The following SYCP1 variants were observed in gnomAD, a reference collection of about 807,000 sequenced individuals.
The protein encoded by SYCP1 is cancer/testis antigen 8.
Under a neutral mutation model 153.1 loss-of-function variants are expected in SYCP1, and 64 were observed. The ratio of observed to expected loss-of-function variants is 0.42; its 90% CI spans 0.34 to 0.51. The LOEUF (loss-of-function observed/expected upper bound fraction) is 0.51. SYCP1 is among the 20% of genes least tolerant of loss of function. The probability of loss-of-function intolerance (pLI) is 0.06; values close to 1 mark genes in which losing one functional copy is unlikely to be tolerated. For synonymous variants in SYCP1, 384 were observed against 341.8 expected (o/e 1.12, Z -1.36); for missense variants, 997 against 1,049.0 (o/e 0.95, Z 0.68).
intron 30 of SYCP1, among the ~76,000 whole-genome samples, chr1:114,987,380 A>G (rs1017704079): frequency 6.6e-6 from 1 of 152,032 alleles, no homozygotes; most frequent in African/African-American, 2.4e-5. Context: ...GTTTTCAACA[A>G]CAAGGGCCAG....
At chr1:114,948,410 C>G (rs1670886101) in intron 27 of SYCP1, among the ~76,000 whole-genome samples, 1 of 152,154 alleles carries the variant, frequency 6.6e-6, no homozygotes. Flanking sequence ...AAACCTAGGT[C>G]TATTTTTGCA....
chr1:114,904,337 C>T (rs946508824), intron 16 of SYCP1, among the ~76,000 whole-genome samples: 7 of 151,984 alleles, frequency 4.6e-5, no homozygotes, highest in East Asian at 1.9e-4. Flanking sequence ...AGGATGGTCT[C>T]GATCTCCTGA....
chr1:114,869,343 G>A (rs1664965270), intron 8 of SYCP1, among the ~76,000 whole-genome samples: 1 of 152,086 alleles, frequency 6.6e-6, no homozygotes, highest in East Asian at 1.9e-4. Flanking sequence ...TGATTTTCCA[G>A]GTATCTTTCT....
chr1:114,858,848 GT>G, intron 6 of SYCP1, 137 bp downstream of exon 6: 1 of 764,608 alleles, frequency 1.3e-6, no homozygotes, highest in Non-Finnish European at 2.1e-6. Context: ...CTTTTTAAAA[GT>G]TACATCAATA....
intron 23 of SYCP1, among the ~76,000 whole-genome samples, chr1:114,934,247 C>A (rs1380816587): frequency 6.6e-6 from 1 of 152,082 alleles, no homozygotes; most frequent in Non-Finnish European, 1.5e-5. Flanking sequence ...AGAGTGGGGG[C>A]CAATATTCAA....
intron 15 of SYCP1, among the ~76,000 whole-genome samples, chr1:114,894,733 T>A (rs1302061148): frequency 3.3e-5 from 5 of 152,118 alleles, no homozygotes; most frequent in African/African-American, 1.2e-4. Flanking sequence ...ACCTCCACAA[T>A]GATGAAGACT....
chr1:114,953,953 C>A (rs533271924), intron 27 of SYCP1, among the ~76,000 whole-genome samples: 3 of 152,126 alleles, frequency 2.0e-5, no homozygotes, highest in East Asian at 1.9e-4. Flanking sequence ...TATTTGATTT[C>A]TTTCATAAGA....
intron 20 of SYCP1, among the ~76,000 whole-genome samples, chr1:114,917,853 T>G (rs561018278): frequency 6.6e-6 from 1 of 152,040 alleles, no homozygotes; most frequent in East Asian, 1.9e-4. Flanking sequence ...TCCCATAGAG[T>G]TTTTTGAGCC....
chr1:114,954,364 A>G (rs1334593142), intron 27 of SYCP1, among the ~76,000 whole-genome samples: 1 of 151,892 alleles, frequency 6.6e-6, no homozygotes, highest in Non-Finnish European at 1.5e-5. Context: ...TTTTGTGTTT[A>G]TTTTGTATCC....
chr1:114,952,520 G>A (rs2101851129), intron 27 of SYCP1, among the ~76,000 whole-genome samples: 1 of 152,218 alleles, frequency 6.6e-6, no homozygotes, highest in East Asian at 1.9e-4. Context: ...GAGGCCTCAG[G>A]AAACTTACAA....
chr1:114,873,017 AT>A (rs1192726242), intron 8 of SYCP1, among the ~76,000 whole-genome samples: 3 of 151,896 alleles, frequency 2.0e-5, no homozygotes, highest in African/African-American at 7.3e-5. Context: ...CATTCTTAGA[AT>A]TTTCACCTAT....
At chr1:114,956,949 G>A (rs761064351) in intron 27 of SYCP1, among the ~76,000 whole-genome samples, 45 of 150,484 alleles carry the variant, frequency 3.0e-4, no homozygotes, top group Non-Finnish European at 4.7e-4. Flanking sequence ...GAACATTAAG[G>A]GAAATATAAC....
intron 21 of SYCP1, 160 bp downstream of exon 21, chr1:114,923,690 A>G (rs1669059502): frequency 1.6e-6 from 1 of 632,384 alleles, no homozygotes; most frequent in East Asian, 4.2e-5. Context: ...GAAAGGTTGG[A>G]TTATTTTACT....
At chr1:114,856,511 A>G (rs1226317448) in intron 2 of SYCP1, 62 bp from the exon 3 acceptor site, 12 of 1,133,108 alleles carry the variant, frequency 1.1e-5, no homozygotes, top group Non-Finnish European at 1.5e-5. Flanking sequence ...TGTATATATT[A>G]CACTATTAGT....
intron 24 of SYCP1, 123 bp from the exon 25 acceptor site, chr1:114,944,749 T>A: frequency 1.3e-6 from 1 of 759,856 alleles, no homozygotes; most frequent in Non-Finnish European, 2.1e-6. Context: ...CATTTTCTAC[T>A]TGTTTTTCCA....
At chr1:114,882,851 T>C (rs751563843) in intron 12 of SYCP1, among the ~76,000 whole-genome samples, 6 of 152,216 alleles carry the variant, frequency 3.9e-5, no homozygotes. Flanking sequence ...GAACCTGGGC[T>C]GCAAATCTGC....
chr1:114,924,070 T>A (rs1323376944), intron 21 of SYCP1, among the ~76,000 whole-genome samples: 1 of 152,206 alleles, frequency 6.6e-6, no homozygotes, highest in East Asian at 1.9e-4. Flanking sequence ...ACCTACTATG[T>A]GCCAGGCACT....
chr1:114,907,220 A>T (rs1483031969), intron 16 of SYCP1, among the ~76,000 whole-genome samples: 1 of 152,160 alleles, frequency 6.6e-6, no homozygotes, highest in African/African-American at 2.4e-5. Flanking sequence ...ATATGTGCTT[A>T]TATGTAGCCT....
intron 16 of SYCP1, among the ~76,000 whole-genome samples, chr1:114,901,531 C>A (rs957361335): frequency 3.9e-5 from 6 of 152,044 alleles, no homozygotes; most frequent in Admixed American, 3.9e-4. Context: ...GATATGAAAC[C>A]ATAAAGGACT....
Sources: gnomAD v4.1 joint callset for allele counts (sites outside exome capture counted in the v4.1 genomes callset) on GRCh38, gnomAD v4.1.1 for gene constraint, MANE v1.5 for transcripts, NCBI Gene and HGNC (gene_info 2026-07-23, HGNC 2026-07-21) for gene names.